Variants in ACVR2A observed in about 807,000 individuals in gnomAD.
The protein encoded by ACVR2A is activin receptor type-2A.
ACVR2A carries 7 observed loss-of-function variants against 61.4 expected under a neutral mutation model. The observed-to-expected ratio is 0.11, with a 90% CI of 0.06 to 0.21. ACVR2A has a LOEUF of 0.21. ACVR2A is among the 10% of genes least tolerant of loss of function. ACVR2A has a pLI of 1.00. For missense variants in ACVR2A, 322 were observed against 621.7 expected (o/e 0.52, Z 5.13); for synonymous variants, 193 against 208.3 (o/e 0.93, Z 0.63).
At chr2:147,921,253 T>G (rs1275944215) in intron 8 of ACVR2A, among the ~76,000 whole-genome samples, 1 of 152,084 alleles carries the variant, frequency 6.6e-6, no homozygotes, top group African/African-American at 2.4e-5. Context: ...CAGGCTTGTA[T>G]CGAGCTCCTG....
In ACVR2A at chr2:147,914,676, A is replaced by G. The variant is rs796496717; in HGVS notation, c.529-515A>G. Among the ~76,000 whole-genome samples, 101 of 152,070 alleles carry G rather than the reference A, an allele frequency of 6.6e-4. 1 individual carries two copies. Among genetic ancestry groups the G allele is most frequent in the African/African-American group, 6.5e-4 (27 of 41,546 alleles). Reference sequence around the variant, plus strand: ...TATGTGCTTTGTATTTGATATACCTATCTGCAATGTGTTTAAGAATGACTG... The same window carrying G: ...TATGTGCTTTGTATTTGATATACCTGTCTGCAATGTGTTTAAGAATGACTG... On this transcript the variant is annotated intron_variant, in intron 4 of 10. Transcript: ENST00000241416.
chr2:147,917,174 TTTTTG>T (rs993567968), intron 5 of ACVR2A, 104 bp from the exon 6 acceptor site: 32 of 1,228,262 alleles, frequency 2.6e-5, no homozygotes, highest in African/African-American at 1.4e-4. Context: ...TTTTAAGACT[TTTTTG>T]TTTTGTTTTG....
rs1687524240 is a variant in ACVR2A, at chr2:147,927,183, G to A, written c.1451G>A (p.Arg484Lys). The change falls in exon 11 of 11, where the codon AGA becomes AAA. Residue 484 changes from arginine (R) to lysine (K), a missense_variant. By Grantham distance (26) the Arg-to-Lys change is conservative. Transcript: ENST00000241416. ...GGTGAAAGAATTACCCAGATGCAGA[G>A]ACTAACAAATATTATTACCACAGAG... ...CVGERITQMQRLTNIITTEDI... is the reference protein window; with the variant it reads ...CVGERITQMQKLTNIITTEDI... The A allele has an allele frequency of 1.2e-6, 2 of 1,612,334 alleles. No homozygotes were observed. Among genetic ancestry groups the A allele is most frequent in the East Asian group, 4.5e-5 (2 of 44,816 alleles).
chr2:147,920,072 T>C (rs1460191327), intron 7 of ACVR2A, among the ~76,000 whole-genome samples, 158 bp from the exon 8 acceptor site: 1 of 152,164 alleles, frequency 6.6e-6, no homozygotes, highest in Non-Finnish European at 1.5e-5. Context: ...TAAGGCTGCA[T>C]GGGGCTCTGA....
At chr2:147,900,052 C>T (rs1686835151) in intron 4 of ACVR2A, among the ~76,000 whole-genome samples, 154 bp downstream of exon 4, 1 of 152,110 alleles carries the variant, frequency 6.6e-6, no homozygotes, top group South Asian at 2.1e-4. Flanking sequence ...ACTTTGCAAA[C>T]TTATTAATGT....
intron 1 of ACVR2A, among the ~76,000 whole-genome samples, chr2:147,860,852 T>A (rs1223597740): frequency 1.3e-5 from 2 of 152,190 alleles, no homozygotes; most frequent in African/African-American, 4.8e-5. Context: ...AGACTTAGTA[T>A]TTTTTAGCCC....
At chr2:147,891,411 A>C (rs1182017904) in intron 1 of ACVR2A, among the ~76,000 whole-genome samples, 1 of 152,100 alleles carries the variant, frequency 6.6e-6, no homozygotes, top group Non-Finnish European at 1.5e-5. Context: ...TAGACGGACT[A>C]TTGGGATTAG....
intron 1 of ACVR2A, among the ~76,000 whole-genome samples, chr2:147,850,587 A>G (rs1685418471): frequency 6.6e-6 from 1 of 152,184 alleles, no homozygotes; most frequent in South Asian, 2.1e-4. Context: ...ATAGGACCAC[A>G]TTAGACTTCC....
At chr2:147,856,812 T>C (rs982144112) in intron 1 of ACVR2A, among the ~76,000 whole-genome samples, 1 of 152,366 alleles carries the variant, frequency 6.6e-6, no homozygotes, top group Middle Eastern at 3.4e-3. Context: ...GACCATCTTT[T>C]TAATTCTATA....
intron 5 of ACVR2A, 108 bp from the exon 6 acceptor site, chr2:147,917,175 T>G: frequency 8.2e-7 from 1 of 1,214,386 alleles, no homozygotes; most frequent in Non-Finnish European, 1.1e-6. Flanking sequence ...TTTAAGACTT[T>G]TTTGTTTTGT....
In ACVR2A at chr2:147,928,896, C is replaced by T. The variant is rs1376640393; in HGVS notation, c.*1622C>T. 2 of 152,346 alleles carry T rather than the reference C, an allele frequency of 1.3e-5. No individual in the cohort carries two copies. The highest frequency in any genetic ancestry group is 1.9e-4 in the East Asian group (1 of 5,192). The allele number at this position is 152,346 out of a possible 1,614,324, so 9.4% of individuals were successfully genotyped here. A position where few individuals can be genotyped will look rare whatever the true frequency, so the allele number is the denominator to read the frequency against. On this transcript the variant is annotated 3_prime_UTR_variant, in exon 11 of 11. Transcript: ENST00000241416. The stretch of plus-strand genomic sequence containing the variant: ...ATTATGCTGTGTATTTCTGTCAGGT[C>T]ATTTTAAAATCCATGTTAATTTTAT...
intron 4 of ACVR2A, among the ~76,000 whole-genome samples, chr2:147,904,494 A>G (rs1686940971): frequency 6.6e-6 from 1 of 152,044 alleles, no homozygotes; most frequent in Non-Finnish European, 1.5e-5. Context: ...TAAAGGCTAT[A>G]TAAGTAGCAC....
chr2:147,863,246 C>A (rs1242164382), intron 1 of ACVR2A, among the ~76,000 whole-genome samples: 1 of 152,108 alleles, frequency 6.6e-6, no homozygotes, highest in African/African-American at 2.4e-5. Context: ...TTGCCAGCAC[C>A]CCTTGAAACC....
chr2:147,873,192 T>C (rs959080783), intron 1 of ACVR2A, among the ~76,000 whole-genome samples: 2 of 151,886 alleles, frequency 1.3e-5, no homozygotes, highest in Admixed American at 1.3e-4. Context: ...ACAATCAAGT[T>C]TAGCACTATG....
intron 1 of ACVR2A, among the ~76,000 whole-genome samples, chr2:147,893,418 G>A (rs967111950): frequency 2.6e-5 from 4 of 152,050 alleles, no homozygotes; most frequent in African/African-American, 9.7e-5. Flanking sequence ...GGGTAGTATG[G>A]CTGGTGTATG....
chr2:147,922,964 C>A lies in ACVR2A; in HGVS notation c.1078-9C>A. On this transcript the variant is annotated splice_polypyrimidine_tract_variant and intron_variant, in intron 8 of 10. Transcript: ENST00000241416. ...AATGAGTACTCTTTGCTTTTAACAT[C>A]TTTTTCAGGTTGGTACCCGGAGGTA... is the stretch of plus-strand genomic sequence containing the variant. The A allele has an allele frequency of 6.3e-7, 1 of 1,597,276 alleles. No homozygotes were observed. The highest frequency in any genetic ancestry group is 8.5e-7 in the Non-Finnish European group (1 of 1,175,150).
chr2:147,889,121 T>G (rs1558803913), intron 1 of ACVR2A, among the ~76,000 whole-genome samples: 2 of 152,218 alleles, frequency 1.3e-5, no homozygotes, highest in Non-Finnish European at 2.9e-5. Flanking sequence ...GATTGATTTT[T>G]GAATCTTGAG....
At chr2:147,925,167 T>TTAA (rs1156426699) in intron 9 of ACVR2A, among the ~76,000 whole-genome samples, 1 of 152,004 alleles carries the variant, frequency 6.6e-6, no homozygotes, top group African/African-American at 2.4e-5. Flanking sequence ...ACTTCAGAGT[T>TTAA]ATTTAGAGAG....
At chr2:147,849,379 G>C (rs903266595) in intron 1 of ACVR2A, among the ~76,000 whole-genome samples, 4 of 152,068 alleles carry the variant, frequency 2.6e-5, no homozygotes, top group Admixed American at 2.6e-4. Flanking sequence ...TCCCTGAATA[G>C]TTTCAAGGTA....
Sources: gnomAD v4.1 joint callset for allele counts (sites outside exome capture counted in the v4.1 genomes callset) on GRCh38, gnomAD v4.1.1 for gene constraint, MANE v1.5 for transcripts, NCBI Gene and HGNC (gene_info 2026-07-23, HGNC 2026-07-21) for gene names.